The following THOC5 variants were observed in gnomAD, a reference collection of about 807,000 sequenced individuals.
THOC5 encodes the protein Fms-interacting protein.
THOC5 carries 43 observed loss-of-function variants against 92.9 expected under a neutral mutation model. The observed-to-expected ratio is 0.46, with a 90% CI of 0.36 to 0.60. THOC5 has a LOEUF of 0.60. Ranked by LOEUF, THOC5 falls within the 20% of genes least tolerant of loss-of-function variation. The pLI, the probability that THOC5 is intolerant of heterozygous loss-of-function variation, is 0.00. For synonymous variants in THOC5, 296 were observed against 320.1 expected, an observed-to-expected ratio of 0.92 and a Z score of 0.80; for missense variants, 659 against 849.4, an observed-to-expected ratio of 0.78 and a Z score of 2.79.
chr22:29,518,633 T>TC (rs1267299073), intron 15 of THOC5, among the ~76,000 whole-genome samples: 3 of 152,158 alleles, frequency 2.0e-5, no homozygotes, highest in Non-Finnish European at 2.9e-5. Flanking sequence ...GCTCAGTTCT[T>TC]CCCCCAGCAC....
rs1422783829 is a variant in THOC5 at position 29,506,032 on chromosome 22, G to C, written c.*2425C>G. 6.6e-6 allele frequency: 1 copy of C among 151,956 alleles called. No homozygotes were observed. The highest frequency in any genetic ancestry group is 2.4e-5 in the African/African-American group (1 of 41,362). 9.4% of individuals were successfully genotyped at this position (151,956 alleles called of 1,614,324 possible). On this transcript the variant is annotated 3_prime_UTR_variant, in exon 20 of 20. Coordinates refer to ENST00000490103, the MANE Select transcript of THOC5 (RefSeq NM_003678.5). Reference sequence around the variant, plus strand: ...GCACCACCATGCCCAGCTAATTTTTGTATTTTTAGTAGAGACGGGGTTTCA... The same window carrying C: ...GCACCACCATGCCCAGCTAATTTTTCTATTTTTAGTAGAGACGGGGTTTCA...
Position 29,511,308 on chromosome 22 carries a change from G to A in THOC5, c.1798-12C>T. 6.2e-7 allele frequency: 1 copy of A among 1,605,482 alleles called. No homozygotes were observed. Among genetic ancestry groups the A allele is most frequent in the Non-Finnish European group, 8.5e-7 (1 of 1,176,750 alleles). ...TCGCCCTCCATGGCCTGTGTGATAG[G>A]AAAGCCAGCATCTCAGCACTACCTT... On this transcript the variant is annotated splice_polypyrimidine_tract_variant and intron_variant, in intron 18 of 19. Transcript: ENST00000490103.
At chr22:29,552,375 T>TG (rs930615764) in intron 1 of THOC5, among the ~76,000 whole-genome samples, 128 of 147,832 alleles carry the variant, frequency 8.7e-4, no homozygotes, top group Non-Finnish European at 1.7e-3. Context: ...ATCTCAGATG[T>TG]GGGGAGCACC....
intron 13 of THOC5, 151 bp downstream of exon 13, chr22:29,520,847 T>C (rs117745492): frequency 3.9e-5 from 26 of 672,288 alleles, no homozygotes; most frequent in Non-Finnish European, 6.6e-5. Context: ...CTTTGCCTTG[T>C]AAGCAAGAAA....
chr22:29,528,516 C>T (rs1235975683), intron 9 of THOC5, 50 bp from the exon 10 acceptor site: 7 of 1,603,122 alleles, frequency 4.4e-6, no homozygotes, highest in Non-Finnish European at 6.0e-6. Flanking sequence ...TCCAAATGCT[C>T]CCTAAAGCAC....
At chr22:29,526,465 G>C (rs987542062) in intron 11 of THOC5, among the ~76,000 whole-genome samples, 7 of 151,956 alleles carry the variant, frequency 4.6e-5, no homozygotes, top group Non-Finnish European at 8.8e-5. Context: ...CCAGGAGGTG[G>C]AGCTTGCAGT....
chr22:29,512,209 G>C (rs1241860058), intron 17 of THOC5, 73 bp from the exon 18 acceptor site: 1 of 1,154,926 alleles, frequency 8.7e-7, no homozygotes, highest in Non-Finnish European at 1.3e-6. Flanking sequence ...CCTCCCCACT[G>C]CACCCCTGAG....
In THOC5 at chr22:29,519,078, C is replaced by T. The variant is rs1304695592; in HGVS notation, c.1417G>A (p.Glu473Lys). 9.9e-6 allele frequency: 16 copies of T among 1,611,598 alleles called. No individual in the cohort carries two copies. The highest frequency in any genetic ancestry group is 1.4e-5 in the Non-Finnish European group (16 of 1,178,986). ...ADHSLSASHM[E>K]TTMKLLKTRV... ...GTCTTCAGAAGTTTCATGGTGGTCT[C>T]CATGTGGCTGGCGCTCAGCGAGTGG... The change falls in exon 15 of 20, where the codon GAG (glutamate) becomes AAG (lysine). Residue 473 changes from glutamate to lysine, a missense_variant. Glu to Lys is a moderately conservative substitution (Grantham distance 56). Coordinates refer to ENST00000490103, the MANE Select transcript of THOC5 (RefSeq NM_003678.5).
chr22:29,539,611 A>C, intron 5 of THOC5, 135 bp from the exon 6 acceptor site: 1 of 899,152 alleles, frequency 1.1e-6, no homozygotes, highest in Non-Finnish European at 1.6e-6. Flanking sequence ...CTTCTCCACA[A>C]ATGCTCATTA....
chr22:29,513,089 G>A (rs1195618209), intron 17 of THOC5, among the ~76,000 whole-genome samples: 2 of 152,152 alleles, frequency 1.3e-5, no homozygotes, highest in South Asian at 2.1e-4. Flanking sequence ...GGTGGCTCAC[G>A]CCTGTAATCC....
At chr22:29,521,609 T>C (rs1014662320) in intron 12 of THOC5, among the ~76,000 whole-genome samples, 2 of 152,142 alleles carry the variant, frequency 1.3e-5, no homozygotes, top group African/African-American at 4.8e-5. Flanking sequence ...GACCAAATCT[T>C]ATGCTCATCA....
At chr22:29,514,276 GAA>G (rs1466440105) in intron 17 of THOC5, among the ~76,000 whole-genome samples, 1 of 151,312 alleles carries the variant, frequency 6.6e-6, no homozygotes, top group Non-Finnish European at 1.5e-5. Context: ...TCACACTACA[GAA>G]AGTTTCCAAA....
chr22:29,512,605 T>C (rs538130800), intron 17 of THOC5, among the ~76,000 whole-genome samples: 8 of 152,362 alleles, frequency 5.3e-5, no homozygotes, highest in Non-Finnish European at 5.9e-5. Context: ...TTCTGTATAC[T>C]AGCCAACATG....
chr22:29,528,508 CA>C (rs2146497305), intron 9 of THOC5, 42 bp from the exon 10 acceptor site: 1 of 1,606,902 alleles, frequency 6.2e-7, no homozygotes, highest in Non-Finnish European at 8.5e-7. Flanking sequence ...GAGGGGGCTC[CA>C]AATGCTCCCT....
At chr22:29,538,708 G>T (rs896747449) in intron 6 of THOC5, among the ~76,000 whole-genome samples, 5 of 146,078 alleles carry the variant, frequency 3.4e-5, no homozygotes, top group Non-Finnish European at 6.0e-5. Flanking sequence ...GAGGCAGAAG[G>T]ATCGCTTGAG....
chr22:29,527,466 C>T (rs927439707), intron 11 of THOC5, among the ~76,000 whole-genome samples: 2 of 151,938 alleles, frequency 1.3e-5, no homozygotes, highest in Non-Finnish European at 2.9e-5. Context: ...AAAACCAGTG[C>T]GTAGAGCCTA....
Position 29,511,276 on chromosome 22 carries a change from A to G in THOC5, c.1818T>C (p.Asn606=), listed in dbSNP as rs1305156156. ...DNIRAMEGEV[N]VCYKELCGPW... is the part of the protein sequence containing the mutation. ...GGCCACACAGCTCCTTGTAGCACAC[A>G]TTGACTTCGCCCTCCATGGCCTGTG... Residue 606 remains asparagine (N), a synonymous_variant, in exon 19 of 20, where the codon AAT becomes AAC. Transcript: ENST00000490103. 6.2e-6 allele frequency: 10 copies of G among 1,613,258 alleles called. No homozygotes were observed. Among genetic ancestry groups the G allele is most frequent in the Non-Finnish European group, 8.5e-6 (10 of 1,179,976 alleles).
chr22:29,520,255 A>T (rs2063414942), intron 13 of THOC5, 151 bp from the exon 14 acceptor site: 1 of 592,582 alleles, frequency 1.7e-6, no homozygotes, highest in African/African-American at 1.9e-5. Flanking sequence ...AAAGCCCTTC[A>T]ACTTTGTCAG....
chr22:29,547,350 T>G (rs2146564734), intron 2 of THOC5, among the ~76,000 whole-genome samples: 1 of 152,172 alleles, frequency 6.6e-6, no homozygotes, highest in Admixed American at 6.5e-5. Context: ...ACCTTATTGT[T>G]CATATCATTA....
Sources: allele counts gnomAD v4.1 joint callset (sites outside exome capture counted in the v4.1 genomes callset), GRCh38; gene constraint gnomAD v4.1.1; transcripts MANE v1.5; gene names NCBI Gene and HGNC (gene_info 2026-07-23, HGNC 2026-07-21).